GNAI3: variants seen among roughly 807,000 people sequenced by gnomAD.
GNAI3 encodes guanine nucleotide-binding protein G(i) subunit alpha-3.
GNAI3 carries 12 observed loss-of-function variants against 41.8 expected under a neutral mutation model. The ratio of observed to expected loss-of-function variants is 0.29; its 90% CI spans 0.18 to 0.47. The LOEUF (loss-of-function observed/expected upper bound fraction) is 0.47. Among genes scored for constraint, GNAI3 ranks in the 20% least tolerant of loss-of-function variants. The pLI is 1.00. For synonymous variants in GNAI3, 132 were observed against 146.5 expected (o/e 0.90, Z 0.71); for missense variants, 360 against 429.6 (o/e 0.84, Z 1.43).
Position 109,586,242 on chromosome 1 carries a change from C to A in GNAI3, c.617C>A (p.Ser206Ter). Residue 206 changes from serine to a stop codon, truncating the protein, a stop_gained, in exon 6 of 9, where the codon TCA (serine) becomes TAA (stop). Transcript: ENST00000369851. LOFTEE classifies it high-confidence loss of function. ...ATGTTTGATGTAGGTGGCCAAAGAT[C>A]AGAACGAAAAAAGTGGATTCACTGT... ...FKMFDVGGQR[S>*]ERKKWIHCFE... 1.2e-6 allele frequency: 2 copies of A among 1,613,350 alleles called. No individual in the cohort carries two copies. Among genetic ancestry groups the A allele is most frequent in the Non-Finnish European group, 1.7e-6 (2 of 1,179,560 alleles).
chr1:109,586,152 A>G lies in GNAI3; in HGVS notation c.591-64A>G, dbSNP rs574412944. On this transcript the variant is annotated intron_variant, in intron 5 of 8. Transcript: ENST00000369851. Reference sequence around the variant, plus strand: ...TGTAATAGTGGGAAGTTTCCTAATCATTTCAGTTTAGGGGAAGGTGTATGT... The same window carrying G: ...TGTAATAGTGGGAAGTTTCCTAATCGTTTCAGTTTAGGGGAAGGTGTATGT... 1.5e-5 allele frequency: 21 copies of G among 1,427,258 alleles called. No homozygotes were observed. The South Asian group carries it at 2.6e-4, about 17-fold the overall frequency. 88.4% of individuals were successfully genotyped at this position (1,427,258 alleles called of 1,614,324 possible).
At chr1:109,565,634 A>G (rs1648430686) in intron 1 of GNAI3, among the ~76,000 whole-genome samples, 1 of 152,204 alleles carries the variant, frequency 6.6e-6, no homozygotes, top group Non-Finnish European at 1.5e-5. Flanking sequence ...CATTTCACAG[A>G]TAGTCATTAA....
Position 109,592,333 on chromosome 1 carries a change from C to T in GNAI3, c.*23-12C>T. The T allele has an allele frequency of 1.3e-6, 1 of 755,278 alleles. No homozygotes were observed. The highest frequency in any genetic ancestry group is 1.8e-5 in the South Asian group (1 of 55,210). 46.8% of individuals were successfully genotyped at this position (755,278 alleles called of 1,614,324 possible). On this transcript the variant is annotated splice_polypyrimidine_tract_variant and intron_variant, in intron 8 of 8. Coordinates refer to ENST00000369851, the MANE Select transcript of GNAI3 (RefSeq NM_006496.4). ...TAAACTTTTTCTAATTAAGAATATT[C>T]TTCTCTTCTAGTTACTACAGTGTGG...
At chr1:109,551,121 A>G (rs1333516197) in intron 1 of GNAI3, among the ~76,000 whole-genome samples, 2 of 152,242 alleles carry the variant, frequency 1.3e-5, no homozygotes, top group Non-Finnish European at 2.9e-5. Context: ...GAAAAGCAGT[A>G]AGTAAAAATC....
Position 109,595,450 on chromosome 1 carries a change from C to A in GNAI3, c.*3128C>A, listed in dbSNP as rs1180290811. 2 of 152,006 alleles carry A rather than the reference C, an allele frequency of 1.3e-5. No homozygotes were observed. Among genetic ancestry groups the A allele is most frequent in the Non-Finnish European group, 1.5e-5 (1 of 68,008 alleles). The allele number at this position is 152,006 out of a possible 1,614,324, so 9.4% of individuals were successfully genotyped here. ...TTTTTCACAAGGTACTACATTCTTA[C>A]AATGTAAGACTAGATGGACCAAAAT... On this transcript the variant is annotated 3_prime_UTR_variant, in exon 9 of 9. Coordinates refer to ENST00000369851, the MANE Select transcript of GNAI3 (RefSeq NM_006496.4).
In GNAI3 at chr1:109,586,869, T is replaced by C; in HGVS notation, c.861T>C (p.Tyr287=). ...AGAGGAGTCCGTTAACTATCTGTTA[T>C]CCAGAATACACAGGTAAGGGGTTAT... ...KIKRSPLTIC[Y]PEYTGSNTYE... Residue 287 remains tyrosine, a synonymous_variant, in exon 7 of 9, where the codon TAT becomes TAC. Transcript: ENST00000369851. 9 of 1,599,664 alleles carry C rather than the reference T, an allele frequency of 5.6e-6. No individual in the cohort carries two copies. Among genetic ancestry groups the C allele is most frequent in the South Asian group, 3.3e-5 (3 of 90,750 alleles).
intron 1 of GNAI3, among the ~76,000 whole-genome samples, chr1:109,561,416 A>T (rs1488714708): frequency 2.0e-5 from 3 of 152,172 alleles, no homozygotes; most frequent in Admixed American, 6.5e-5. Flanking sequence ...TCAGGGATTA[A>T]TATTGGTGCC....
intron 1 of GNAI3, among the ~76,000 whole-genome samples, chr1:109,560,227 A>G (rs1648268297): frequency 6.6e-6 from 1 of 152,192 alleles, no homozygotes; most frequent in Admixed American, 6.5e-5. Flanking sequence ...TTTTGTTGCC[A>G]AGTCATGTTT....
chr1:109,587,692 C>T (rs1170778040), intron 7 of GNAI3, among the ~76,000 whole-genome samples: 2 of 152,120 alleles, frequency 1.3e-5, no homozygotes, highest in Non-Finnish European at 2.9e-5. Context: ...ATATCTCATG[C>T]TGAGACGATG....
intron 1 of GNAI3, among the ~76,000 whole-genome samples, chr1:109,567,455 A>G (rs921977253): frequency 5.3e-5 from 8 of 152,220 alleles, no homozygotes; most frequent in Non-Finnish European, 1.0e-4. Flanking sequence ...GCGATAGTAG[A>G]CAGGAATATC....
At chr1:109,590,440 C>G (rs1009565453) in intron 7 of GNAI3, among the ~76,000 whole-genome samples, 1 of 152,232 alleles carries the variant, frequency 6.6e-6, no homozygotes, top group African/African-American at 2.4e-5. Flanking sequence ...CTGTTCCTAG[C>G]AGACAAAATT....
chr1:109,581,593 A>T (rs1648890682), intron 4 of GNAI3, among the ~76,000 whole-genome samples: 1 of 152,146 alleles, frequency 6.6e-6, no homozygotes. Flanking sequence ...TGTAGAATTA[A>T]ACCTACTTTT....
chr1:109,561,492 A>G (rs947701300), intron 1 of GNAI3, among the ~76,000 whole-genome samples: 7 of 152,220 alleles, frequency 4.6e-5, no homozygotes, highest in Admixed American at 4.6e-4. Flanking sequence ...TTTCTGCTCC[A>G]GGATCCAATC....
intron 7 of GNAI3, among the ~76,000 whole-genome samples, chr1:109,589,082 G>A (rs1649107989): frequency 6.6e-6 from 1 of 152,144 alleles, no homozygotes; most frequent in South Asian, 2.1e-4. Context: ...TATATTCGAG[G>A]TTGAGGAGAG....
In GNAI3 at chr1:109,593,316, T is replaced by C. The variant is rs1311588190; in HGVS notation, c.*994T>C. 1 of 152,694 alleles carries C rather than the reference T, an allele frequency of 6.5e-6. No homozygotes were observed. Among genetic ancestry groups the C allele is most frequent in the Non-Finnish European group, 1.5e-5 (1 of 68,046 alleles). 9.5% of individuals were successfully genotyped at this position (152,694 alleles called of 1,614,324 possible). ...ACATCTAAAGTGTATTAACAGTGCA[T>C]GCTTTTACTTTGTAAATGTGGTGCC... On this transcript the variant is annotated 3_prime_UTR_variant, in exon 9 of 9. Transcript: ENST00000369851.
At chr1:109,556,045 C>CTTT (rs1220346155) in intron 1 of GNAI3, among the ~76,000 whole-genome samples, 1 of 135,256 alleles carries the variant, frequency 7.4e-6, no homozygotes, top group African/African-American at 2.9e-5. Flanking sequence ...CATTCTTTTT[C>CTTT]TTTTTTTTTT....
chr1:109,569,134 C>T (rs962629468), intron 1 of GNAI3, among the ~76,000 whole-genome samples: 3 of 152,182 alleles, frequency 2.0e-5, no homozygotes, highest in African/African-American at 7.2e-5. Context: ...ATCCTTTTCT[C>T]CTACTTATAT....
chr1:109,573,898 T>C lies in GNAI3; in HGVS notation c.164T>C (p.Ile55Thr). The C allele has an allele frequency of 6.2e-7, 1 of 1,610,592 alleles. No homozygotes were observed. Among genetic ancestry groups the C allele is most frequent in the Non-Finnish European group, 8.5e-7 (1 of 1,177,624 alleles). Reference protein sequence around the residue: ...GKSTIVKQMKIIHEDGYSEDE... With the variant: ...GKSTIVKQMKTIHEDGYSEDE... ...TTGTGGTTTTCTTTGTTTTAAAGAA[T>C]CATTCATGAGGATGGCTATTCAGAG... The change falls in exon 3 of 9, where the codon ATC becomes ACC. Residue 55 changes from isoleucine to threonine, a missense_variant and splice_region_variant. Ile to Thr is a moderately conservative substitution (Grantham distance 89). Transcript: ENST00000369851.
intron 7 of GNAI3, among the ~76,000 whole-genome samples, chr1:109,590,153 G>A (rs988114612): frequency 6.6e-6 from 1 of 152,140 alleles, no homozygotes; most frequent in Non-Finnish European, 1.5e-5. Flanking sequence ...AAGGAAGTTG[G>A]AAATGTGGTT....
Sources: allele counts gnomAD v4.1 joint callset (sites outside exome capture counted in the v4.1 genomes callset), GRCh38; gene constraint gnomAD v4.1.1; transcripts MANE v1.5; gene names NCBI Gene and HGNC (gene_info 2026-07-23, HGNC 2026-07-21).